SYT1: variants seen among roughly 807,000 people sequenced by gnomAD.
SYT1 encodes the protein synaptotagmin-1.
SYT1 carries 8 observed loss-of-function variants against 44.8 expected under a neutral mutation model. The ratio of observed to expected loss-of-function variants is 0.18; its 90% CI spans 0.10 to 0.32. SYT1 has a LOEUF of 0.32. SYT1 is among the 10% of genes least tolerant of loss of function. SYT1 has a pLI of 1.00. For synonymous variants in SYT1, 154 were observed against 188.8 expected, an observed-to-expected ratio of 0.82 and a Z score of 1.51; for missense variants, 286 against 509.3, an observed-to-expected ratio of 0.56 and a Z score of 4.22.
At chr12:79,217,913 T>G (rs1874914814) in intron 4 of SYT1, among the ~76,000 whole-genome samples, 1 of 151,674 alleles carries the variant, frequency 6.6e-6, no homozygotes, top group Non-Finnish European at 1.5e-5. Context: ...AAAAAAAAAG[T>G]CTGCAGCTTG....
intron 4 of SYT1, among the ~76,000 whole-genome samples, chr12:79,254,162 A>T (rs918783432): frequency 2.0e-5 from 3 of 152,178 alleles, no homozygotes; most frequent in African/African-American, 7.2e-5. Flanking sequence ...TCATAGCTAG[A>T]GAGAAGTCAA....
intron 3 of SYT1, among the ~76,000 whole-genome samples, chr12:79,105,625 A>C (rs1372573460): frequency 1.2e-4 from 18 of 152,224 alleles, no homozygotes; most frequent in South Asian, 2.1e-4. Context: ...TCACGCCTGT[A>C]ATCCCAGCAC....
At chr12:79,243,463 A>C (rs1876633814) in intron 4 of SYT1, among the ~76,000 whole-genome samples, 1 of 152,198 alleles carries the variant, frequency 6.6e-6, no homozygotes, top group South Asian at 2.1e-4. Flanking sequence ...TATTAAAATA[A>C]ATTCTAAAAT....
chr12:78,874,053 G>T (rs1436567790), intron 1 of SYT1, among the ~76,000 whole-genome samples: 1 of 151,496 alleles, frequency 6.6e-6, no homozygotes, highest in Non-Finnish European at 1.5e-5. Context: ...ATGAATACAG[G>T]TATTCATATT....
chr12:79,421,421 T>G (rs996714099), intron 9 of SYT1, among the ~76,000 whole-genome samples: 2 of 152,098 alleles, frequency 1.3e-5, no homozygotes, highest in African/African-American at 4.8e-5. Context: ...GACCATAGTT[T>G]CCTTGTTCAA....
intron 3 of SYT1, among the ~76,000 whole-genome samples, chr12:79,215,667 G>C (rs111919485): frequency 6.6e-6 from 1 of 152,064 alleles, no homozygotes; most frequent in Non-Finnish European, 1.5e-5. Flanking sequence ...CTGCTCTCCA[G>C]CCTAACAACA....
At chr12:78,930,845 CAT>C (rs1399150910) in intron 1 of SYT1, among the ~76,000 whole-genome samples, 1 of 151,990 alleles carries the variant, frequency 6.6e-6, no homozygotes, top group East Asian at 1.9e-4. Context: ...CCTTAAGTCT[CAT>C]TTTCCTCATC....
intron 2 of SYT1, among the ~76,000 whole-genome samples, chr12:78,980,152 C>A (rs1430698767): frequency 1.3e-5 from 2 of 152,028 alleles, no homozygotes; most frequent in Non-Finnish European, 2.9e-5. Context: ...ATACCAAACT[C>A]TAAAGTAAGT....
chr12:79,046,033 C>T (rs2081660981), intron 2 of SYT1, among the ~76,000 whole-genome samples: 1 of 152,142 alleles, frequency 6.6e-6, no homozygotes, highest in African/African-American at 2.4e-5. Context: ...CTATACAAAG[C>T]ATATCTAAAA....
At chr12:79,039,663 G>C (rs960529087) in intron 2 of SYT1, among the ~76,000 whole-genome samples, 3 of 147,736 alleles carry the variant, frequency 2.0e-5, no homozygotes, top group Non-Finnish European at 4.5e-5. Flanking sequence ...GGGTACATGT[G>C]CACATTGTGC....
chr12:79,022,536 A>G (rs1445000095), intron 2 of SYT1, among the ~76,000 whole-genome samples: 2 of 151,830 alleles, frequency 1.3e-5, no homozygotes, highest in Non-Finnish European at 2.9e-5. Flanking sequence ...TTTCTCTTAA[A>G]TCAAACATTT....
intron 3 of SYT1, among the ~76,000 whole-genome samples, chr12:79,079,865 GCC>G (rs1876908761): frequency 6.6e-6 from 1 of 151,956 alleles, no homozygotes; most frequent in African/African-American, 2.4e-5. Context: ...TGAAAAATGG[GCC>G]ATCTGTCCTT....
chr12:79,013,119 T>G (rs919555505), intron 2 of SYT1, among the ~76,000 whole-genome samples: 2 of 152,118 alleles, frequency 1.3e-5, no homozygotes, highest in African/African-American at 4.8e-5. Context: ...AGGTCAGTTA[T>G]TAAACACTAT....
At chr12:79,298,904 A>G (rs1879998202) in intron 7 of SYT1, among the ~76,000 whole-genome samples, 1 of 152,162 alleles carries the variant, frequency 6.6e-6, no homozygotes, top group African/African-American at 2.4e-5. Context: ...ATAGCCTTTA[A>G]TAAATCATTG....
chr12:79,354,077 T>C (rs1297798491), intron 9 of SYT1, among the ~76,000 whole-genome samples: 1 of 152,178 alleles, frequency 6.6e-6, no homozygotes, highest in African/African-American at 2.4e-5. Context: ...TTTCAATATA[T>C]ATGCATAATG....
At chr12:78,971,825 A>T (rs756009479) in intron 1 of SYT1, among the ~76,000 whole-genome samples, 1 of 152,152 alleles carries the variant, frequency 6.6e-6, no homozygotes, top group African/African-American at 2.4e-5. Context: ...TACTTCAACT[A>T]TACTACTAAT....
In SYT1 at chr12:78,890,421, G is replaced by A. The variant is rs149671149; in HGVS notation, c.-217+25312G>A. 5.6e-3 allele frequency among the ~76,000 whole-genome samples: 845 copies of A among 151,992 alleles called. 12 individuals are homozygous for A. Among genetic ancestry groups the A allele is most frequent in the African/African-American group, 0.019 (778 of 41,518 alleles). Reference sequence around the variant, plus strand: ...ACGGGAGCGGGGAAGGATAGCATTAGTAGATATACCTAATGTAAATGACGA... The same window carrying A: ...ACGGGAGCGGGGAAGGATAGCATTAATAGATATACCTAATGTAAATGACGA... On this transcript the variant is annotated intron_variant, in intron 1 of 10. Coordinates refer to ENST00000261205, the MANE Select transcript of SYT1 (RefSeq NM_005639.3).
intron 3 of SYT1, among the ~76,000 whole-genome samples, chr12:79,206,453 A>G (rs1016878184): frequency 2.6e-5 from 4 of 152,314 alleles, no homozygotes; most frequent in Middle Eastern, 3.4e-3. Flanking sequence ...GCAAATAACA[A>G]CTGGGCCTGG....
chr12:79,251,548 TGAA>T (rs1877210510), intron 4 of SYT1, among the ~76,000 whole-genome samples: 1 of 152,184 alleles, frequency 6.6e-6, no homozygotes, highest in African/African-American at 2.4e-5. Flanking sequence ...AGTTGGTGGA[TGAA>T]GTTGCACTTC....
Sources: gnomAD v4.1 joint callset for allele counts (sites outside exome capture counted in the v4.1 genomes callset) on GRCh38, gnomAD v4.1.1 for gene constraint, MANE v1.5 for transcripts, NCBI Gene and HGNC (gene_info 2026-07-23, HGNC 2026-07-21) for gene names.